The following CATSPERB variants were observed in gnomAD, a reference collection of about 807,000 sequenced individuals.
CATSPERB encodes the protein cation channel sperm-associated auxiliary subunit beta.
In CATSPERB, 93 loss-of-function variants were observed where a neutral mutation model predicts 128.3. The ratio of observed to expected loss-of-function variants is 0.72; its 90% CI spans 0.61 to 0.86. CATSPERB has a LOEUF of 0.86. CATSPERB is among the 40% of genes least tolerant of loss of function. The pLI, the probability that CATSPERB is intolerant of heterozygous loss-of-function variation, is 0.00. For synonymous variants in CATSPERB, 381 were observed against 448.8 expected (o/e 0.85, Z 1.91); for missense variants, 1,153 against 1,329.5 (o/e 0.87, Z 2.06).
intron 11 of CATSPERB, among the ~76,000 whole-genome samples, chr14:91,678,878 T>C (rs995688940): frequency 4.6e-5 from 7 of 152,190 alleles, no homozygotes; most frequent in Admixed American, 1.3e-4. Context: ...TTCTAAGTTG[T>C]CAGCAAAATG....
In CATSPERB at chr14:91,580,968, C is replaced by T; in HGVS notation, c.3272G>A (p.Arg1091Lys). 6.2e-7 allele frequency: 1 copy of T among 1,614,230 alleles called. No individual in the cohort carries two copies. Among genetic ancestry groups the T allele is most frequent in the East Asian group, 2.2e-5 (1 of 44,886 alleles). The change falls in exon 27 of 27, where the codon AGA becomes AAA. Residue 1091 changes from arginine to lysine, a missense_variant. Arg to Lys is a conservative substitution (Grantham distance 26). Transcript: ENST00000256343. ...CTTCTCTTGGTTTCTTCTAATCCAT[C>T]TTTGGAATGTCCTCCACGGATGGAT... Reference protein sequence around the residue: ...QGIHPWRTFQRWIRRNQEKFS... With the variant: ...QGIHPWRTFQKWIRRNQEKFS...
chr14:91,633,682 G>C (rs1299050154), intron 17 of CATSPERB, among the ~76,000 whole-genome samples: 1 of 151,584 alleles, frequency 6.6e-6, no homozygotes, highest in African/African-American at 2.4e-5. Flanking sequence ...AAAAGTTAAA[G>C]GAAAAAATTC....
intron 26 of CATSPERB, 146 bp downstream of exon 26, chr14:91,587,056 A>C (rs1284883297): frequency 6.6e-6 from 4 of 602,302 alleles, no homozygotes; most frequent in Non-Finnish European, 1.1e-5. Context: ...TGACAGGGTC[A>C]ATGCTACCCT....
intron 15 of CATSPERB, among the ~76,000 whole-genome samples, chr14:91,649,350 TGTG>T (rs1894664368): frequency 6.6e-6 from 1 of 151,716 alleles, no homozygotes. Flanking sequence ...TGTGTGTGTG[TGTG>T]TGTGTGTGTA....
At chr14:91,700,282 A>G (rs1895625281) in intron 7 of CATSPERB, among the ~76,000 whole-genome samples, 1 of 152,164 alleles carries the variant, frequency 6.6e-6, no homozygotes, top group African/African-American at 2.4e-5. Flanking sequence ...TTATGACTGC[A>G]TAGTAATACG....
chr14:91,717,111 G>A (rs1895956907), intron 5 of CATSPERB, among the ~76,000 whole-genome samples: 1 of 152,080 alleles, frequency 6.6e-6, no homozygotes, highest in African/African-American at 2.4e-5. Context: ...AGTGAAAGAA[G>A]CCAGACTCAA....
At chr14:91,647,182 T>C (rs1296847553) in intron 15 of CATSPERB, among the ~76,000 whole-genome samples, 1 of 152,222 alleles carries the variant, frequency 6.6e-6, no homozygotes, top group Non-Finnish European at 1.5e-5. Flanking sequence ...TTTTTCTCTC[T>C]TTTTCTTTTC....
chr14:91,627,603 A>G (rs1894191389), intron 17 of CATSPERB, among the ~76,000 whole-genome samples: 1 of 152,186 alleles, frequency 6.6e-6, no homozygotes, highest in South Asian at 2.1e-4. Context: ...AAGGTAAATA[A>G]ATGGAGGGAA....
At chr14:91,622,893 CTTT>C (rs11432858) in intron 18 of CATSPERB, among the ~76,000 whole-genome samples, 1 of 127,818 alleles carries the variant, frequency 7.8e-6, no homozygotes. Context: ...TTCTCAATGA[CTTT>C]TTTTTTTTTT....
At chr14:91,730,638 C>T (rs1274203023) in intron 1 of CATSPERB, among the ~76,000 whole-genome samples, 1 of 152,120 alleles carries the variant, frequency 6.6e-6, no homozygotes, top group Non-Finnish European at 1.5e-5. Flanking sequence ...CGTCTCTGAC[C>T]TAGGAGTCTT....
chr14:91,725,061 T>C lies in CATSPERB; in HGVS notation c.168+19A>G. ...AAGGAACGTGAAGGGTTATAACACA[T>C]GCTATTAGTGGACCTTACCAAGTTT... On this transcript the variant is annotated intron_variant, in intron 3 of 26. Transcript: ENST00000256343. The C allele has an allele frequency of 6.0e-6, 8 of 1,324,868 alleles. No individual in the cohort carries two copies. The highest frequency in any genetic ancestry group is 6.3e-6 in the Non-Finnish European group (6 of 947,836). The allele number at this position is 1,324,868 out of a possible 1,614,324, so 82.1% of individuals were successfully genotyped here.
At position 91,723,087 on chromosome 14, in the gene CATSPERB, T is replaced by C; in HGVS notation, c.271A>G (p.Ser91Gly). The C allele has an allele frequency of 6.5e-6, 10 of 1,544,496 alleles. No homozygotes were observed. Among genetic ancestry groups the C allele is most frequent in the Non-Finnish European group, 8.7e-6 (10 of 1,145,906 alleles). ...GLAPSLGIMN[S>G]TYNGIFHFNL... ...AAGTGGAAGATGCCATTATATGTAC[T>C]ATTCATGATTCCCAAGCTGGGAGCA... Residue 91 changes from serine (S) to glycine (G), a missense_variant, in exon 4 of 27, where the codon AGT becomes GGT. Coordinates refer to ENST00000256343, the MANE Select transcript of CATSPERB (RefSeq NM_024764.4).
chr14:91,591,855 A>C, intron 23 of CATSPERB, 37 bp downstream of exon 23: 1 of 1,363,066 alleles, frequency 7.3e-7, no homozygotes. Context: ...GTTAATAAGA[A>C]AGTATCCTGT....
chr14:91,719,330 T>A lies in CATSPERB; in HGVS notation c.370+88A>T, dbSNP rs1394196523. On this transcript the variant is annotated intron_variant, in intron 5 of 26. Transcript: ENST00000256343. ...TGGGGGATTTACATGACATAACAAA[T>A]CACTTTTAAGATAATAAATTCTTTT... The A allele has an allele frequency of 6.5e-6, 6 of 923,696 alleles. No individual in the cohort carries two copies. The South Asian group carries it at 1.2e-4, about 19-fold the overall frequency. The allele number at this position is 923,696 out of a possible 1,614,324, so 57.2% of individuals were successfully genotyped here.
intron 17 of CATSPERB, among the ~76,000 whole-genome samples, chr14:91,629,896 T>C (rs1348454408): frequency 2.0e-5 from 3 of 152,072 alleles, no homozygotes. Context: ...AATGAATCAG[T>C]GAATTTTAGA....
chr14:91,602,655 A>C (rs12232138), intron 22 of CATSPERB, among the ~76,000 whole-genome samples: 31,732 of 152,034 alleles, frequency 0.21, 3,530 homozygotes, highest in East Asian at 0.42. Flanking sequence ...ACAAAAAAAA[A>C]CAAAAATAAA....
chr14:91,656,759 C>A (rs1258468873), intron 15 of CATSPERB, among the ~76,000 whole-genome samples: 1 of 151,854 alleles, frequency 6.6e-6, no homozygotes, highest in East Asian at 1.9e-4. Flanking sequence ...CTGTTGCCTG[C>A]AAGAAACACA....
At chr14:91,702,976 T>C (rs1317582303) in intron 7 of CATSPERB, among the ~76,000 whole-genome samples, 1 of 152,018 alleles carries the variant, frequency 6.6e-6, no homozygotes, top group Non-Finnish European at 1.5e-5. Context: ...TAAATTATAA[T>C]CTTTAATTAG....
chr14:91,586,571 A>AGAGAGAGAG (rs374162982), intron 26 of CATSPERB, among the ~76,000 whole-genome samples: 16 of 114,180 alleles, frequency 1.4e-4, no homozygotes, highest in East Asian at 2.8e-4. Flanking sequence ...GAGAGAGAGA[A>AGAGAGAGAG]AGAGAGAGAG....
Sources: gnomAD v4.1 joint callset for allele counts (sites outside exome capture counted in the v4.1 genomes callset) on GRCh38, gnomAD v4.1.1 for gene constraint, MANE v1.5 for transcripts, NCBI Gene and HGNC (gene_info 2026-07-23, HGNC 2026-07-21) for gene names.